POLD3: variants seen among roughly 807,000 people sequenced by gnomAD.
POLD3 encodes DNA polymerase delta 3, accessory subunit.
POLD3 carries 19 observed loss-of-function variants against 58.2 expected under a neutral mutation model. That is an observed-to-expected ratio of 0.33 (90% confidence interval 0.23 to 0.48). The LOEUF (loss-of-function observed/expected upper bound fraction) is 0.48, where lower values mean the gene tolerates loss of function less well. Ranked by LOEUF, POLD3 falls within the 20% of genes least tolerant of loss-of-function variation. POLD3 has a pLI of 0.99. For synonymous variants in POLD3, 172 were observed against 193.5 expected, an observed-to-expected ratio of 0.89 and a Z score of 0.92; for missense variants, 504 against 545.5, an observed-to-expected ratio of 0.92 and a Z score of 0.76.
chr11:74,642,998 G>A lies in POLD3; in HGVS notation c.*2232G>A, dbSNP rs766354591. 1.1e-4 allele frequency: 99 copies of A among 914,100 alleles called. No individual in the cohort carries two copies. Among genetic ancestry groups the A allele is most frequent in the Non-Finnish European group, 1.3e-4 (97 of 765,014 alleles). The allele number at this position is 914,100 out of a possible 1,614,324, so 56.6% of individuals were successfully genotyped here. On this transcript the variant is annotated 3_prime_UTR_variant, in exon 12 of 12. Coordinates refer to ENST00000263681, the MANE Select transcript of POLD3 (RefSeq NM_006591.3). ...TGGCTTCATCACTTGCTAGCTGTAT[G>A]ACTGTGGGCAAGTTTCACAGCCTCA...
downstream of POLD3, among the ~76,000 whole-genome samples, chr11:74,645,767 C>T (rs532796756): frequency 1.3e-5 from 2 of 152,238 alleles, no homozygotes; most frequent in Admixed American, 6.5e-5. Flanking sequence ...CTTTTATTCC[C>T]ATTTTGCACA....
At chr11:74,622,977 C>A (rs1009790132) in intron 7 of POLD3, among the ~76,000 whole-genome samples, 4 of 152,058 alleles carry the variant, frequency 2.6e-5, no homozygotes, top group African/African-American at 9.7e-5. Context: ...GGTGGTATAT[C>A]CAGACAATGA....
At chr11:74,659,905 T>A (rs2033184070) in intron 4 of POLD3, among the ~76,000 whole-genome samples, 1 of 152,200 alleles carries the variant, frequency 6.6e-6, no homozygotes, top group Non-Finnish European at 1.5e-5. Flanking sequence ...GTTACCGAGT[T>A]CCAAACTCAC....
At chr11:74,632,877 TACACACACACAC>T (rs71036003) in intron 9 of POLD3, among the ~76,000 whole-genome samples, 1,469 of 115,740 alleles carry the variant, frequency 0.013, 17 homozygotes, top group Non-Finnish European at 0.014. Flanking sequence ...TTTAAGTAAA[TACACACACACAC>T]ACACACACAC....
chr11:74,654,477 G>A (rs939797406), intron 4 of POLD3, among the ~76,000 whole-genome samples: 1 of 152,154 alleles, frequency 6.6e-6, no homozygotes, highest in Non-Finnish European at 1.5e-5. Context: ...ATGATGAGCA[G>A]GACTTCTGGA....
chr11:74,607,163 AT>A (rs1316693135), intron 3 of POLD3, among the ~76,000 whole-genome samples: 1 of 151,602 alleles, frequency 6.6e-6, no homozygotes, highest in Non-Finnish European at 1.5e-5. Context: ...TCTATTAATA[AT>A]TTCCTTTTTA....
intron 2 of POLD3, among the ~76,000 whole-genome samples, chr11:74,595,963 T>G (rs1435349151): frequency 2.0e-5 from 3 of 151,876 alleles, no homozygotes; most frequent in African/African-American, 7.3e-5. Context: ...AATTTATTTA[T>G]TTTTCCTTTT....
chr11:74,650,684 C>T (rs2033057871), intron 4 of POLD3, among the ~76,000 whole-genome samples: 1 of 152,160 alleles, frequency 6.6e-6, no homozygotes. Context: ...TTCCTTAAGA[C>T]CAGCCAACTC....
chr11:74,620,867 T>A (rs1233156034), intron 7 of POLD3, among the ~76,000 whole-genome samples: 1 of 152,126 alleles, frequency 6.6e-6, no homozygotes, highest in African/African-American at 2.4e-5. Flanking sequence ...CAAAATTAGT[T>A]AGAATTCTGC....
In POLD3 at chr11:74,636,254, C is replaced by G. The variant is rs147578662; in HGVS notation, c.1177C>G (p.Leu393Val). The G allele has an allele frequency of 4.6e-3, 7,375 of 1,612,756 alleles. 46 individuals carry two copies. The highest frequency in any genetic ancestry group is 0.014 in the Middle Eastern group (83 of 6,060). Residue 393 changes from leucine to valine, a missense_variant, in exon 11 of 12, where the codon CTG becomes GTG. Coordinates refer to ENST00000263681, the MANE Select transcript of POLD3 (RefSeq NM_006591.3). ...ACGCGTACTAAAATCTAAAACTTAC[C>G]TGGATGGGGAAGGCTGCATAGGTAA... Reference protein sequence around the residue: ...RKRVLKSKTYLDGEGCIVTEK... With the variant: ...RKRVLKSKTYVDGEGCIVTEK...
At position 74,641,479 on chromosome 11, in the gene POLD3, G is replaced by A. The variant is rs2032911801; in HGVS notation, c.*713G>A. On this transcript the variant is annotated 3_prime_UTR_variant, in exon 12 of 12. Coordinates refer to ENST00000263681, the MANE Select transcript of POLD3 (RefSeq NM_006591.3). ...AACACAAATAGAAATTTAATGATGT[G>A]TTCAACTCCACCAGAAATTACCTCG... The A allele has an allele frequency of 3.0e-6, 3 of 985,294 alleles. No individual in the cohort carries two copies. The highest frequency in any genetic ancestry group is 4.7e-5 in the South Asian group (1 of 21,284). The allele number at this position is 985,294 out of a possible 1,614,324, so 61.0% of individuals were successfully genotyped here.
At chr11:74,638,163 A>C (rs1201237699) in intron 11 of POLD3, among the ~76,000 whole-genome samples, 1 of 152,158 alleles carries the variant, frequency 6.6e-6, no homozygotes, top group Non-Finnish European at 1.5e-5. Context: ...GGCAACCCAG[A>C]AAAGTGGCAT....
chr11:74,625,486 C>T lies in POLD3; in HGVS notation c.812C>T (p.Thr271Met), dbSNP rs143084141. 7.5e-5 allele frequency: 121 copies of T among 1,613,284 alleles called. No homozygotes were observed. In the South Asian group the frequency reaches 8.8e-4, roughly 12 times the overall value. The change falls in exon 8 of 12, where the codon ACG becomes ATG. Residue 271 changes from threonine (T) to methionine (M), a missense_variant. Physicochemically the swap from Thr to Met is moderately conservative, Grantham distance 81. Coordinates refer to ENST00000263681, the MANE Select transcript of POLD3 (RefSeq NM_006591.3). Reference protein sequence around the residue: ...KIVEQPTVSVTEPKLATPAGL... With the variant: ...KIVEQPTVSVMEPKLATPAGL... ...GTGGAGCAGCCTACAGTGTCTGTCA[C>T]GGAACCAAAGCTGGCAACTCCTGCA...
In POLD3 at chr11:74,595,743, G is replaced by T. The variant is rs7125480; in HGVS notation, c.116+1627G>T. Reference sequence around the variant, plus strand: ...GGTGATTTTCCCACCTCAGCCTCCCGAGTAGCCGGGACTACAGGTGCGTGC... The same window carrying T: ...GGTGATTTTCCCACCTCAGCCTCCCTAGTAGCCGGGACTACAGGTGCGTGC... On this transcript the variant is annotated intron_variant, in intron 2 of 11. Coordinates refer to ENST00000263681, the MANE Select transcript of POLD3 (RefSeq NM_006591.3). Among the ~76,000 whole-genome samples the T allele has an allele frequency of 3.0e-3, 454 of 151,962 alleles. 1 individual carries two copies. Among genetic ancestry groups the T allele is most frequent in the Middle Eastern group, 0.01 (3 of 294 alleles).
chr11:74,651,587 A>G (rs2033069187), intron 4 of POLD3, among the ~76,000 whole-genome samples: 1 of 152,250 alleles, frequency 6.6e-6, no homozygotes, highest in African/African-American at 2.4e-5. Flanking sequence ...GAAAAACCAC[A>G]CAGGAGGGCC....
chr11:74,609,420 G>A (rs2031829757), intron 3 of POLD3, among the ~76,000 whole-genome samples: 1 of 114,044 alleles, frequency 8.8e-6, no homozygotes, highest in African/African-American at 3.6e-5. Context: ...TTGCCTGTTG[G>A]CCAAGCATTG....
At chr11:74,658,883 G>A (rs1246254516) in intron 4 of POLD3, among the ~76,000 whole-genome samples, 7 of 152,090 alleles carry the variant, frequency 4.6e-5, no homozygotes, top group Non-Finnish European at 8.8e-5. Flanking sequence ...CCAGGTGCAC[G>A]GTGCAAGCTG....
chr11:74,593,004 G>T, intron 1 of POLD3: 1 of 1,316,724 alleles, frequency 7.6e-7, no homozygotes, highest in Non-Finnish European at 9.7e-7. Flanking sequence ...CGTTGGCTGA[G>T]AGTTCTAAGG....
At chr11:74,660,704 C>T (rs2033194749) in intron 4 of POLD3, among the ~76,000 whole-genome samples, 1 of 152,134 alleles carries the variant, frequency 6.6e-6, no homozygotes, top group Non-Finnish European at 1.5e-5. Flanking sequence ...TCCCCCTGTG[C>T]ACTCTTCCTC....
Sources: allele counts gnomAD v4.1 joint callset (sites outside exome capture counted in the v4.1 genomes callset), GRCh38; gene constraint gnomAD v4.1.1; transcripts MANE v1.5; gene names NCBI Gene and HGNC (gene_info 2026-07-23, HGNC 2026-07-21).